GRIN2B: variants seen among roughly 807,000 people sequenced by gnomAD.
The protein encoded by GRIN2B is glutamate ionotropic receptor NMDA type subunit 2B, also known as glutamate receptor ionotropic, NMDA 2B.
A neutral mutation model predicts 114.5 loss-of-function variants in GRIN2B; 5 were observed. The observed-to-expected ratio is 0.04, with a 90% CI of 0.02 to 0.09. The LOEUF (loss-of-function observed/expected upper bound fraction) is 0.09, where lower values mean the gene tolerates loss of function less well. Ranked by LOEUF, GRIN2B falls within the 10% of genes least tolerant of loss-of-function variation. The probability of loss-of-function intolerance (pLI) is 1.00; values close to 1 mark genes in which losing one functional copy is unlikely to be tolerated. For synonymous variants in GRIN2B, 787 were observed against 745.1 expected, an observed-to-expected ratio of 1.06 and a Z score of -0.92; for missense variants, 1,108 against 1,943.5, an observed-to-expected ratio of 0.57 and a Z score of 8.08.
chr12:13,711,178 T>G (rs1443339857), intron 4 of GRIN2B, among the ~76,000 whole-genome samples: 1 of 151,878 alleles, frequency 6.6e-6, no homozygotes, highest in Non-Finnish European at 1.5e-5. Context: ...TAGCCATATG[T>G]AGAAAGCTGA....
rs547835964 is a variant in GRIN2B at position 13,884,769 on chromosome 12, C to T, written c.-18-18543G>A. ...TTGTCAAGCTGAGGAAGTTCCTTTC[C>T]GTTTCCAGTTTGATGAAATTTTTTA... is the stretch of plus-strand genomic sequence containing the variant. On this transcript the variant is annotated intron_variant, in intron 2 of 13. Transcript: ENST00000609686. Among the ~76,000 whole-genome samples the T allele has an allele frequency of 5.3e-5, 8 of 152,168 alleles. 1 individual carries two copies. The highest frequency in any genetic ancestry group is 1.9e-4 in the East Asian group (1 of 5,180).
intron 4 of GRIN2B, among the ~76,000 whole-genome samples, chr12:13,744,491 A>G (rs1013161522): frequency 6.6e-6 from 1 of 152,224 alleles, no homozygotes; most frequent in Non-Finnish European, 1.5e-5. Flanking sequence ...AAAGGTTTTA[A>G]AAGCTTTAAA....
At chr12:13,599,296 C>G (rs1174390445) in intron 10 of GRIN2B, among the ~76,000 whole-genome samples, 1 of 152,138 alleles carries the variant, frequency 6.6e-6, no homozygotes, top group African/African-American at 2.4e-5. Flanking sequence ...CCCAGCTAGG[C>G]CGAAAGGTTC....
intron 3 of GRIN2B, among the ~76,000 whole-genome samples, chr12:13,759,335 C>T (rs1863637753): frequency 6.6e-6 from 1 of 152,012 alleles, no homozygotes; most frequent in Admixed American, 6.6e-5. Context: ...GCTGATGGCA[C>T]ATATCTACCT....
At chr12:13,921,252 G>GC in intron 2 of GRIN2B, among the ~76,000 whole-genome samples, 1 of 152,128 alleles carries the variant, frequency 6.6e-6, no homozygotes. Context: ...CAACACATTA[G>GC]CCAGCTGTGG....
At chr12:13,757,657 T>C (rs1297797650) in intron 3 of GRIN2B, among the ~76,000 whole-genome samples, 2 of 152,154 alleles carry the variant, frequency 1.3e-5, no homozygotes, top group African/African-American at 4.8e-5. Flanking sequence ...AATGTCCTTC[T>C]TCAACTCACC....
intron 3 of GRIN2B, among the ~76,000 whole-genome samples, chr12:13,844,082 C>G (rs1183458998): frequency 6.6e-6 from 1 of 152,180 alleles, no homozygotes; most frequent in African/African-American, 2.4e-5. Flanking sequence ...TGAAGGGAAA[C>G]CATCCCAGCC....
At chr12:13,931,749 C>T (rs958502798) in intron 2 of GRIN2B, among the ~76,000 whole-genome samples, 6 of 152,212 alleles carry the variant, frequency 3.9e-5, no homozygotes, top group African/African-American at 1.4e-4. Flanking sequence ...ATACCAACAC[C>T]ATTTATGCAA....
chr12:13,966,170 G>A (rs1006152966), intron 2 of GRIN2B, among the ~76,000 whole-genome samples: 4 of 152,172 alleles, frequency 2.6e-5, no homozygotes, highest in African/African-American at 4.8e-5. Context: ...TTAAAATAGG[G>A]TTAATAGTTC....
chr12:13,791,621 C>G (rs1334997265), intron 3 of GRIN2B, among the ~76,000 whole-genome samples: 1 of 151,996 alleles, frequency 6.6e-6, no homozygotes, highest in Non-Finnish European at 1.5e-5. Context: ...GAATAAACAC[C>G]TCTATTAGCT....
intron 10 of GRIN2B, among the ~76,000 whole-genome samples, chr12:13,590,403 G>A (rs1053389613): frequency 2.0e-5 from 3 of 151,802 alleles, no homozygotes; most frequent in African/African-American, 4.8e-5. Flanking sequence ...CCCCACTCCC[G>A]ACAGGTGCTG....
intron 3 of GRIN2B, among the ~76,000 whole-genome samples, chr12:13,770,206 C>T (rs1211879291): frequency 6.6e-6 from 1 of 152,232 alleles, no homozygotes; most frequent in African/African-American, 2.4e-5. Flanking sequence ...TCATTCCCCA[C>T]ATCCTTAAGA....
intron 2 of GRIN2B, among the ~76,000 whole-genome samples, chr12:13,935,745 A>G (rs2136829126): frequency 6.6e-6 from 1 of 152,350 alleles, no homozygotes; most frequent in East Asian, 1.9e-4. Flanking sequence ...TATTAAAGAC[A>G]AAGATAAGTG....
intron 2 of GRIN2B, among the ~76,000 whole-genome samples, chr12:13,894,273 T>C (rs1866316675): frequency 6.6e-6 from 1 of 152,178 alleles, no homozygotes. Context: ...AAAAGCTTTA[T>C]ATACCAAAAT....
chr12:13,649,487 G>A (rs1268063755), intron 5 of GRIN2B, among the ~76,000 whole-genome samples: 1 of 152,054 alleles, frequency 6.6e-6, no homozygotes, highest in Non-Finnish European at 1.5e-5. Context: ...ATGCTATAGT[G>A]AAATTAAGCA....
intron 3 of GRIN2B, among the ~76,000 whole-genome samples, chr12:13,860,391 C>T (rs545554740): frequency 1.3e-5 from 2 of 152,144 alleles, no homozygotes; most frequent in Non-Finnish European, 2.9e-5. Context: ...TGCAGTGGTG[C>T]AATCTCGGCT....
intron 4 of GRIN2B, among the ~76,000 whole-genome samples, chr12:13,745,830 AGC>A (rs1395759647): frequency 2.0e-5 from 3 of 152,274 alleles, no homozygotes; most frequent in Admixed American, 2.0e-4. Context: ...ACACAGCCTG[AGC>A]TGGGGATCCC....
At chr12:13,798,582 T>C (rs1291165297) in intron 3 of GRIN2B, among the ~76,000 whole-genome samples, 1 of 152,252 alleles carries the variant, frequency 6.6e-6, no homozygotes, top group African/African-American at 2.4e-5. Flanking sequence ...TATTATCATA[T>C]GTATTTATTA....
chr12:13,607,336 T>A (rs1949278572), intron 10 of GRIN2B, among the ~76,000 whole-genome samples: 2 of 49,926 alleles, frequency 4.0e-5, no homozygotes, highest in African/African-American at 1.7e-4. Context: ...TAATATATAT[T>A]ATATATAATA....
Sources: gnomAD v4.1 joint callset for allele counts (sites outside exome capture counted in the v4.1 genomes callset) on GRCh38, gnomAD v4.1.1 for gene constraint, MANE v1.5 for transcripts, NCBI Gene and HGNC (gene_info 2026-07-23, HGNC 2026-07-21) for gene names.